The following TFDP2 variants were observed in gnomAD, a reference collection of about 807,000 sequenced individuals.
TFDP2 encodes the protein transcription factor Dp-2 (E2F dimerization partner 2).
A neutral mutation model predicts 59.3 loss-of-function variants in TFDP2; 17 were observed. The ratio of observed to expected loss-of-function variants is 0.29; its 90% CI spans 0.20 to 0.43. The LOEUF (loss-of-function observed/expected upper bound fraction) is 0.43, where lower values mean the gene tolerates loss of function less well. Ranked by LOEUF, TFDP2 falls within the 20% of genes least tolerant of loss-of-function variation. The pLI, the probability that TFDP2 is intolerant of heterozygous loss-of-function variation, is 1.00. For missense variants in TFDP2, 391 were observed against 528.8 expected (o/e 0.74, Z 2.56); for synonymous variants, 180 against 194.7 (o/e 0.92, Z 0.63).
At chr3:141,991,768 C>T (rs1335442274) in intron 6 of TFDP2, among the ~76,000 whole-genome samples, 2 of 149,756 alleles carry the variant, frequency 1.3e-5, no homozygotes, top group African/African-American at 4.9e-5. Flanking sequence ...AGAGGCTGGG[C>T]GTGGTGGATC....
chr3:142,114,363 T>C (rs566022795), intron 1 of TFDP2, among the ~76,000 whole-genome samples: 129 of 152,296 alleles, frequency 8.5e-4, no homozygotes, highest in African/African-American at 3.1e-3. Context: ...TTTTAAAAAA[T>C]ATAGGATATT....
chr3:142,002,993 A>C (rs564050585), intron 4 of TFDP2, among the ~76,000 whole-genome samples: 109 of 151,824 alleles, frequency 7.2e-4, no homozygotes, highest in Non-Finnish European at 1.0e-3. Flanking sequence ...AAGGGGGCAA[A>C]GAGCTCCCTT....
At chr3:141,978,470 A>T in intron 7 of TFDP2, 50 bp downstream of exon 7, 1 of 1,540,956 alleles carries the variant, frequency 6.5e-7, no homozygotes. Context: ...GATAACACAA[A>T]GAAGTAGCAT....
chr3:142,118,744 T>C (rs1161281063), intron 1 of TFDP2, among the ~76,000 whole-genome samples: 1 of 150,330 alleles, frequency 6.7e-6, no homozygotes, highest in African/African-American at 2.4e-5. Context: ...ATGAAGAAAA[T>C]AAAATTTTAA....
At chr3:142,076,806 C>T (rs1164112010) in intron 3 of TFDP2, among the ~76,000 whole-genome samples, 1 of 152,170 alleles carries the variant, frequency 6.6e-6, no homozygotes, top group Non-Finnish European at 1.5e-5. Context: ...AAATAGAAGC[C>T]TCTACCCATG....
intron 1 of TFDP2, among the ~76,000 whole-genome samples, chr3:142,116,539 C>T (rs1318999507): frequency 5.3e-5 from 8 of 152,172 alleles, no homozygotes; most frequent in African/African-American, 1.7e-4. Context: ...ACAGGGAGCA[C>T]GGCCCTGCTG....
intron 3 of TFDP2, among the ~76,000 whole-genome samples, chr3:142,039,387 GGTT>G (rs1173643207): frequency 3.9e-5 from 6 of 152,054 alleles, no homozygotes; most frequent in South Asian, 2.1e-4. Flanking sequence ...CAGTTTTTTG[GGTT>G]GTTGTTGTTG....
chr3:142,068,093 A>G (rs1164694705), intron 3 of TFDP2, among the ~76,000 whole-genome samples: 1 of 152,002 alleles, frequency 6.6e-6, no homozygotes, highest in Non-Finnish European at 1.5e-5. Context: ...TAGATCAACA[A>G]AACAGGACAG....
At chr3:142,137,146 A>G (rs2062766091) in intron 1 of TFDP2, among the ~76,000 whole-genome samples, 3 of 152,264 alleles carry the variant, frequency 2.0e-5, no homozygotes, top group Non-Finnish European at 4.4e-5. Flanking sequence ...TCTTTGTACC[A>G]ATAGTGATTG....
intron 11 of TFDP2, among the ~76,000 whole-genome samples, chr3:141,953,636 T>TTTA (rs938557087): frequency 1.3e-5 from 2 of 152,102 alleles, no homozygotes; most frequent in Admixed American, 6.6e-5. Flanking sequence ...TTTTATTTTT[T>TTTA]TTATTATTAT....
In TFDP2 at chr3:142,051,896, C is replaced by T. The variant is rs138113117; in HGVS notation, c.82+41165G>A. 1.1e-3 allele frequency among the ~76,000 whole-genome samples: 162 copies of T among 152,110 alleles called. 1 individual carries two copies. Among genetic ancestry groups the T allele is most frequent in the African/African-American group, 3.4e-3 (143 of 41,510 alleles). Reference sequence around the variant, plus strand: ...ATCCCAGCACTTTGGGAAGCTGAAGCGGGAGGATTGCTTGAGCCCAAGAGT... The same window carrying T: ...ATCCCAGCACTTTGGGAAGCTGAAGTGGGAGGATTGCTTGAGCCCAAGAGT... On this transcript the variant is annotated intron_variant, in intron 3 of 12. Coordinates refer to ENST00000489671, the MANE Select transcript of TFDP2 (RefSeq NM_001178139.2).
chr3:141,979,227 G>A (rs1237748460), intron 6 of TFDP2, among the ~76,000 whole-genome samples: 1 of 152,126 alleles, frequency 6.6e-6, no homozygotes, highest in Non-Finnish European at 1.5e-5. Context: ...CATGTTTGTG[G>A]TGATGCTGGC....
At chr3:142,010,624 A>AC (rs1402596781) in intron 3 of TFDP2, among the ~76,000 whole-genome samples, 1 of 151,056 alleles carries the variant, frequency 6.6e-6, no homozygotes, top group Non-Finnish European at 1.5e-5. Flanking sequence ...AAAAAAAAAA[A>AC]AAAAACCTAC....
At chr3:141,963,367 T>C (rs1455381965) in intron 10 of TFDP2, among the ~76,000 whole-genome samples, 1 of 152,206 alleles carries the variant, frequency 6.6e-6, no homozygotes, top group Admixed American at 6.5e-5. Context: ...AACAGAAGCA[T>C]GCATAACTAT....
chr3:142,124,393 GAACAGAAAA>G (rs1197889838), intron 1 of TFDP2, among the ~76,000 whole-genome samples: 1 of 152,080 alleles, frequency 6.6e-6, no homozygotes, highest in Non-Finnish European at 1.5e-5. Context: ...CAGATAGAGG[GAACAGAAAA>G]GTATAGGAAA....
chr3:142,079,047 A>T, intron 3 of TFDP2, among the ~76,000 whole-genome samples: 1 of 152,036 alleles, frequency 6.6e-6, no homozygotes, highest in Non-Finnish European at 1.5e-5. Context: ...GGCAGAATTG[A>T]TCAAGCAGAA....
chr3:141,969,696 T>A (rs758610531), intron 9 of TFDP2, among the ~76,000 whole-genome samples: 3 of 152,150 alleles, frequency 2.0e-5, no homozygotes, highest in Non-Finnish European at 2.9e-5. Context: ...CAGGCAGATT[T>A]GATTACTGTA....
intron 8 of TFDP2, among the ~76,000 whole-genome samples, chr3:141,970,926 C>T (rs868162021): frequency 6.6e-5 from 10 of 152,010 alleles, no homozygotes; most frequent in East Asian, 2.0e-4. Flanking sequence ...GGTGTGGTGG[C>T]GCGCATCTGT....
At chr3:141,986,958 T>G (rs887894257) in intron 6 of TFDP2, among the ~76,000 whole-genome samples, 1 of 152,206 alleles carries the variant, frequency 6.6e-6, no homozygotes. Context: ...AATAAAAAAA[T>G]TCTGTTCATT....
Sources: allele counts gnomAD v4.1 joint callset (sites outside exome capture counted in the v4.1 genomes callset), GRCh38; gene constraint gnomAD v4.1.1; transcripts MANE v1.5; gene names NCBI Gene and HGNC (gene_info 2026-07-23, HGNC 2026-07-21).